TRPM1: variants seen among roughly 807,000 people sequenced by gnomAD.
The protein encoded by TRPM1 is TRPM1-203 APA Isoform, Intron 10.
TRPM1 carries 113 observed loss-of-function variants against 149.4 expected under a neutral mutation model. The ratio of observed to expected loss-of-function variants is 0.76; its 90% confidence interval spans 0.65 to 0.88. The LOEUF (loss-of-function observed/expected upper bound fraction) is 0.88. TRPM1 is among the 40% of genes least tolerant of loss of function. The pLI, the probability that TRPM1 is intolerant of heterozygous loss-of-function variation, is 0.00. For missense variants in TRPM1, 1,976 were observed against 2,038.7 expected (o/e 0.97, Z 0.59); for synonymous variants, 741 against 759.5 (o/e 0.98, Z 0.40).
intron 1 of TRPM1, among the ~76,000 whole-genome samples, chr15:31,118,640 G>A (rs10467997): frequency 0.42 from 63,982 of 152,000 alleles, 14,174 homozygotes; most frequent in East Asian, 0.73. Flanking sequence ...CCATGGTTGG[G>A]TTAGAACTCT....
chr15:31,113,643 T>C (rs570501928), intron 1 of TRPM1, among the ~76,000 whole-genome samples: 2 of 152,136 alleles, frequency 1.3e-5, no homozygotes, highest in Non-Finnish European at 2.9e-5. Context: ...CAAATTATTT[T>C]ATCAACTAGT....
chr15:31,156,387 C>G (rs567099428), intron 1 of TRPM1, among the ~76,000 whole-genome samples: 1 of 151,972 alleles, frequency 6.6e-6, no homozygotes, highest in Non-Finnish European at 1.5e-5. Context: ...GAGAGTCTAG[C>G]ACCTTTTAAA....
At chr15:31,152,049 A>T (rs1449376354) in intron 1 of TRPM1, among the ~76,000 whole-genome samples, 2 of 152,132 alleles carry the variant, frequency 1.3e-5, no homozygotes, top group Admixed American at 1.3e-4. Context: ...CCCTAGGAAG[A>T]CCTGCTGTCA....
chr15:31,144,662 A>G (rs1266566351), intron 1 of TRPM1, among the ~76,000 whole-genome samples: 3 of 151,860 alleles, frequency 2.0e-5, no homozygotes, highest in African/African-American at 7.3e-5. Context: ...TTTAGAAGAA[A>G]GCTATAATAC....
exon 1 of TRPM1, chr15:31,160,925 G>A (rs1394359693): frequency 6.5e-7 from 1 of 1,535,522 alleles, no homozygotes; most frequent in East Asian, 2.4e-5. Context: ...CCCTGATGTG[G>A]AGCTCTTGAG....
In TRPM1 at chr15:31,070,070, A is replaced by C. The variant is rs753411431; in HGVS notation, c.240T>G (p.Val80=). The change falls in exon 4 of 28, where the codon GTT becomes GTG. Residue 80 remains valine (V), a synonymous_variant. Coordinates refer to ENST00000256552, the MANE Select transcript of TRPM1 (RefSeq NM_001252024.2). Reference sequence around the variant, plus strand: ...AATATCCGCCACCCTGGAATTCAAGAACTCCATAGGAATCTGTTGGGTAGC... The same window carrying C: ...AATATCCGCCACCCTGGAATTCAAGCACTCCATAGGAATCTGTTGGGTAGC... ...TQSYPTDSYG[V]LEFQGGGYSN... The C allele has an allele frequency of 6.2e-7, 1 of 1,614,150 alleles. No individual in the cohort carries two copies. The highest frequency in any genetic ancestry group is 1.1e-5 in the South Asian group (1 of 91,082).
At position 31,076,966 on chromosome 15, in the gene TRPM1, C is replaced by T; in HGVS notation, c.22G>A (p.Glu8Lys). The T allele has an allele frequency of 6.2e-7, 1 of 1,612,450 alleles. No homozygotes were observed. Among genetic ancestry groups the T allele is most frequent in the South Asian group, 1.1e-5 (1 of 91,050 alleles). ...CATTCCCGTTTGCAAAAGGTTTTCT[C>T]TATCCAAGATTTCTGACCCTGGAAG... is the stretch of plus-strand genomic sequence containing the variant. MGQKSWI[E>K]KTFCKRECIF... Residue 8 changes from glutamate (E) to lysine (K), a missense_variant, in exon 3 of 28, where the codon GAG (glutamate) becomes AAG (lysine). Physicochemically the swap from Glu to Lys is moderately conservative, Grantham distance 56. Transcript: ENST00000256552.
At chr15:31,101,117 G>A (rs2035505564) in intron 1 of TRPM1, among the ~76,000 whole-genome samples, 1 of 152,162 alleles carries the variant, frequency 6.6e-6, no homozygotes, top group African/African-American at 2.4e-5. Flanking sequence ...TATAAACCCT[G>A]TCTCTCCTAG....
chr15:31,057,511 C>A (rs1418068163), intron 11 of TRPM1, among the ~76,000 whole-genome samples: 2 of 152,124 alleles, frequency 1.3e-5, no homozygotes. Context: ...ACATAACAAA[C>A]CTGCACTTGT....
At chr15:31,098,859 G>A (rs2035452523) in intron 1 of TRPM1, among the ~76,000 whole-genome samples, 1 of 152,102 alleles carries the variant, frequency 6.6e-6, no homozygotes, top group Non-Finnish European at 1.5e-5. Context: ...GGGAGCGGGA[G>A]CCAGAAGCCG....
At chr15:31,053,341 C>T (rs1275605517) in intron 11 of TRPM1, among the ~76,000 whole-genome samples, 3 of 152,126 alleles carry the variant, frequency 2.0e-5, no homozygotes, top group African/African-American at 7.2e-5. Flanking sequence ...ACCTCCGCCT[C>T]CCAGGTTCAA....
chr15:31,027,000 G>T lies in TRPM1; in HGVS notation c.3411C>A (p.Ser1137Arg). 6.2e-7 allele frequency: 1 copy of T among 1,614,144 alleles called. No homozygotes were observed. Among genetic ancestry groups the T allele is most frequent in the South Asian group, 1.1e-5 (1 of 91,078 alleles). Reference protein sequence around the residue: ...PVLPPPMIILSHIYIIIMRLS... With the variant: ...PVLPPPMIILRHIYIIIMRLS... ...GACGCATAATGATGATGTAGATGTG[G>T]CTTAAAATGATCATCGGTGGGGGCA... Residue 1137 changes from serine (S) to arginine (R), a missense_variant, in exon 26 of 28, where the codon AGC (serine) becomes AGA (arginine). This residue lies in a region of TRPM1 where 72 missense variants were observed against 112.7 expected (regional missense o/e 0.64). Transcript: ENST00000256552.
intron 1 of TRPM1, among the ~76,000 whole-genome samples, chr15:31,149,829 A>G (rs1055835180): frequency 1.3e-5 from 2 of 152,216 alleles, no homozygotes; most frequent in African/African-American, 4.8e-5. Flanking sequence ...GTGCATCTTT[A>G]AAATCCCTCT....
At chr15:31,103,402 G>A (rs556531752), upstream of TRPM1, among the ~76,000 whole-genome samples, 5 of 152,314 alleles carry the variant, frequency 3.3e-5, no homozygotes, top group South Asian at 6.2e-4. Context: ...AAATATACAC[G>A]GGATTGCCAA....
chr15:31,114,007 T>C (rs2035761546), intron 1 of TRPM1, among the ~76,000 whole-genome samples: 1 of 152,164 alleles, frequency 6.6e-6, no homozygotes, highest in South Asian at 2.1e-4. Context: ...TTGGTCCATT[T>C]TACAGAGTGC....
At chr15:31,073,884 C>T (rs2034623153) in intron 3 of TRPM1, among the ~76,000 whole-genome samples, 1 of 151,948 alleles carries the variant, frequency 6.6e-6, no homozygotes, top group South Asian at 2.1e-4. Flanking sequence ...CCTTCTATTC[C>T]TGGTTTTCCG....
intron 27 of TRPM1, among the ~76,000 whole-genome samples, chr15:31,015,527 T>A (rs562794011): frequency 6.6e-6 from 1 of 152,126 alleles, no homozygotes; most frequent in African/African-American, 2.4e-5. Context: ...TTGCCTCCAA[T>A]GTCTTCTCAC....
intron 11 of TRPM1, among the ~76,000 whole-genome samples, chr15:31,056,028 A>C (rs1013388207): frequency 1.3e-5 from 2 of 152,230 alleles, no homozygotes; most frequent in Non-Finnish European, 2.9e-5. Context: ...TAAAATTGTT[A>C]AGGAACAAAA....
intron 1 of TRPM1, among the ~76,000 whole-genome samples, chr15:31,140,547 C>G (rs1341174262): frequency 6.6e-6 from 1 of 152,160 alleles, no homozygotes; most frequent in African/African-American, 2.4e-5. Flanking sequence ...TGAGAGTTCC[C>G]TCACGAGTTG....
Sources: allele counts gnomAD v4.1 joint callset (sites outside exome capture counted in the v4.1 genomes callset), GRCh38; gene constraint gnomAD v4.1.1; regional missense constraint gnomAD v4.1.1; transcripts MANE v1.5; gene names NCBI Gene and HGNC (gene_info 2026-07-23, HGNC 2026-07-21).